The following ADCY2 variants were observed in gnomAD, a reference collection of about 807,000 sequenced individuals.
ADCY2 encodes the protein adenylate cyclase type 2.
ADCY2 carries 31 observed loss-of-function variants against 125.2 expected under a neutral mutation model. That is an observed-to-expected ratio of 0.25 (90% CI 0.19 to 0.33). ADCY2 has a LOEUF of 0.33. Ranked by LOEUF, ADCY2 falls within the 10% of genes least tolerant of loss-of-function variation. The probability of loss-of-function intolerance (pLI) is 1.00; values close to 1 mark genes in which losing one functional copy is unlikely to be tolerated. For synonymous variants in ADCY2, 512 were observed against 548.4 expected, an observed-to-expected ratio of 0.93 and a Z score of 0.93; for missense variants, 904 against 1,418.2, an observed-to-expected ratio of 0.64 and a Z score of 5.82.
chr5:7,526,105 C>CGTGCCTA (rs1734450467), intron 3 of ADCY2, among the ~76,000 whole-genome samples: 1 of 152,212 alleles, frequency 6.6e-6, no homozygotes, highest in East Asian at 1.9e-4. Flanking sequence ...GGGGCTGCCC[C>CGTGCCTA]GTGCCTAGGT....
intron 4 of ADCY2, chr5:7,654,102 C>T: frequency 2.2e-6 from 1 of 456,158 alleles, no homozygotes; most frequent in South Asian, 1.5e-5. Context: ...GGCGCAGTCA[C>T]CACGGGACTC....
intron 3 of ADCY2, among the ~76,000 whole-genome samples, chr5:7,593,829 G>A (rs1357289156): frequency 6.6e-6 from 1 of 152,116 alleles, no homozygotes; most frequent in Non-Finnish European, 1.5e-5. Flanking sequence ...ATGACAGAGT[G>A]TCACACTTCT....
intron 19 of ADCY2, 56 bp from the exon 20 acceptor site, chr5:7,789,586 T>C: frequency 1.3e-6 from 2 of 1,537,386 alleles, no homozygotes; most frequent in Non-Finnish European, 1.8e-6. Flanking sequence ...AAACCTCCAC[T>C]CTCTGGCAGG....
In ADCY2 at chr5:7,634,719, C is replaced by G. The variant is rs200471022; in HGVS notation, c.720+8403C>G. On this transcript the variant is annotated intron_variant, in intron 4 of 24. Transcript: ENST00000338316. The stretch of plus-strand genomic sequence containing the variant: ...AATTTACAGGTTTTTTTTTTTTTGG[C>G]TTGTTAGGTGCTGGCAATTTTCCCA... Among the ~76,000 whole-genome samples the G allele has an allele frequency of 4.3e-4, 61 of 142,686 alleles. 1 individual carries two copies. In the Middle Eastern group the frequency reaches 0.011, roughly 26 times the overall value. 93.6% of individuals were successfully genotyped at this position (142,686 alleles called of 152,430 possible). A position where few individuals can be genotyped will look rare whatever the true frequency, so the allele number is the denominator to read the frequency against.
intron 2 of ADCY2, among the ~76,000 whole-genome samples, chr5:7,468,194 T>G (rs1742197090): frequency 6.6e-6 from 1 of 152,188 alleles, no homozygotes; most frequent in Non-Finnish European, 1.5e-5. Context: ...ATCAATAGCC[T>G]TTTGAAGAAC....
intron 18 of ADCY2, among the ~76,000 whole-genome samples, chr5:7,781,528 A>G (rs752840820): frequency 3.3e-5 from 5 of 152,212 alleles, no homozygotes; most frequent in Non-Finnish European, 7.3e-5. Flanking sequence ...CAAGCTAAGA[A>G]AAGCCAATGA....
intron 16 of ADCY2, among the ~76,000 whole-genome samples, chr5:7,764,216 A>G (rs770887694): frequency 2.6e-5 from 4 of 152,210 alleles, no homozygotes; most frequent in South Asian, 2.1e-4. Context: ...TTGGTTGTCC[A>G]TGCTTGTTTC....
intron 2 of ADCY2, among the ~76,000 whole-genome samples, chr5:7,450,330 A>G (rs934750066): frequency 6.6e-6 from 1 of 152,220 alleles, no homozygotes; most frequent in Admixed American, 6.5e-5. Context: ...TATTGCTGAT[A>G]TAGAGAAAGT....
chr5:7,524,552 T>A (rs75228324), intron 3 of ADCY2, among the ~76,000 whole-genome samples: 12,678 of 152,306 alleles, frequency 0.083, 745 homozygotes, highest in Non-Finnish European at 0.13. Context: ...TCCAGTCTCT[T>A]TGATCTTCTA....
intron 20 of ADCY2, among the ~76,000 whole-genome samples, chr5:7,790,829 CAA>C (rs1390357830): frequency 1.3e-5 from 2 of 152,124 alleles, no homozygotes; most frequent in African/African-American, 4.8e-5. Context: ...ACGGGGTAGA[CAA>C]GAGATGGTTA....
chr5:7,625,053 C>T (rs570270408), intron 3 of ADCY2, among the ~76,000 whole-genome samples: 4 of 152,280 alleles, frequency 2.6e-5, no homozygotes, highest in South Asian at 4.2e-4. Context: ...AGCAATTTTG[C>T]AATACATATC....
chr5:7,504,235 C>T (rs1743712856), intron 2 of ADCY2, among the ~76,000 whole-genome samples: 1 of 152,158 alleles, frequency 6.6e-6, no homozygotes, highest in African/African-American at 2.4e-5. Context: ...TGTGAAACGA[C>T]AGAGCCAAAA....
rs528614778 is a variant in ADCY2, at chr5:7,531,800, C to T, written c.570+10901C>T. Among the ~76,000 whole-genome samples, 13 of 152,346 alleles carry T rather than the reference C, an allele frequency of 8.5e-5. No homozygotes were observed. The East Asian group carries it at 2.5e-3, about 29-fold the overall frequency. ...CTCATTGCAGCATACTTAATTATTT[C>T]TGCAAAGACCTTATTCCAAAAGAGT... On this transcript the variant is annotated intron_variant, in intron 3 of 24. Coordinates refer to ENST00000338316, the MANE Select transcript of ADCY2 (RefSeq NM_020546.3).
intron 1 of ADCY2, among the ~76,000 whole-genome samples, chr5:7,412,925 A>T (rs1355072235): frequency 6.6e-6 from 1 of 152,226 alleles, no homozygotes; most frequent in Non-Finnish European, 1.5e-5. Flanking sequence ...TAATATATGT[A>T]AGCCTGCTTA....
At chr5:7,681,983 C>T (rs1204600661) in intron 4 of ADCY2, among the ~76,000 whole-genome samples, 1 of 152,170 alleles carries the variant, frequency 6.6e-6, no homozygotes. Flanking sequence ...AACTACTTTC[C>T]TCCCACTGGT....
chr5:7,739,132 A>G (rs1742338700), intron 14 of ADCY2, among the ~76,000 whole-genome samples: 1 of 151,862 alleles, frequency 6.6e-6, no homozygotes, highest in Non-Finnish European at 1.5e-5. Flanking sequence ...TGGAACATTA[A>G]CCTACAAAGA....
chr5:7,531,549 G>T (rs1391594743), intron 3 of ADCY2, among the ~76,000 whole-genome samples: 3 of 152,028 alleles, frequency 2.0e-5, no homozygotes, highest in East Asian at 1.9e-4. Context: ...GTTAGCAGGG[G>T]TGGTTCCCTC....
At chr5:7,714,786 C>A (rs78266585) in intron 11 of ADCY2, among the ~76,000 whole-genome samples, 1,944 of 152,352 alleles carry the variant, frequency 0.013, 22 homozygotes, top group African/African-American at 0.023. Context: ...GATGCCCAGG[C>A]ACTTCCAGGC....
chr5:7,510,621 G>A (rs1387091882), intron 2 of ADCY2, among the ~76,000 whole-genome samples: 4 of 152,176 alleles, frequency 2.6e-5, no homozygotes, highest in African/African-American at 9.7e-5. Flanking sequence ...CAGTGTCATT[G>A]TTGTTCCAGG....
Sources: gnomAD v4.1 joint callset for allele counts (sites outside exome capture counted in the v4.1 genomes callset) on GRCh38, gnomAD v4.1.1 for gene constraint, MANE v1.5 for transcripts, NCBI Gene and HGNC (gene_info 2026-07-23, HGNC 2026-07-21) for gene names.